Variants in ABI1 observed in about 807,000 individuals in gnomAD.
ABI1 encodes the protein abl interactor 1.
In ABI1, 14 loss-of-function variants were observed where a neutral mutation model predicts 54.6. The ratio of observed to expected loss-of-function variants is 0.26; its 90% confidence interval spans 0.17 to 0.40. The LOEUF (loss-of-function observed/expected upper bound fraction) is 0.40, where lower values mean the gene tolerates loss of function less well. Ranked by LOEUF, ABI1 falls within the 10% of genes least tolerant of loss-of-function variation. ABI1 has a pLI of 1.00. For synonymous variants in ABI1, 194 were observed against 209.3 expected (o/e 0.93, Z 0.63); for missense variants, 443 against 598.3 (o/e 0.74, Z 2.71).
chr10:26,835,580 G>GA (rs74804255), intron 1 of ABI1, among the ~76,000 whole-genome samples: 33 of 136,040 alleles, frequency 2.4e-4, no homozygotes, highest in Non-Finnish European at 3.1e-4. Context: ...GTCTCCAAAG[G>GA]AAAAAAAAAA....
chr10:26,785,107 T>C (rs1005735397), intron 2 of ABI1, among the ~76,000 whole-genome samples: 24 of 152,290 alleles, frequency 1.6e-4, no homozygotes, highest in African/African-American at 5.8e-4. Flanking sequence ...AAATGTGTTA[T>C]AAGAAAAACT....
At chr10:26,765,136 A>G (rs1839764626) in intron 7 of ABI1, 82 bp downstream of exon 7, 10 of 963,898 alleles carry the variant, frequency 1.0e-5, no homozygotes, top group South Asian at 4.6e-5. Flanking sequence ...ATTTTACTCA[A>G]TATGACTAAT....
At chr10:26,809,035 C>T (rs1030239662) in intron 2 of ABI1, among the ~76,000 whole-genome samples, 3 of 151,244 alleles carry the variant, frequency 2.0e-5, no homozygotes, top group African/African-American at 7.3e-5. Flanking sequence ...TTTGGGAGGC[C>T]GAGGCAGGCG....
chr10:26,859,241 C>T (rs539176444), intron 1 of ABI1, among the ~76,000 whole-genome samples: 2 of 151,732 alleles, frequency 1.3e-5, no homozygotes, highest in Non-Finnish European at 2.9e-5. Flanking sequence ...AAAGTGAAAG[C>T]TTGAAAAAAA....
intron 2 of ABI1, among the ~76,000 whole-genome samples, chr10:26,797,899 G>A (rs1442002477): frequency 6.6e-6 from 1 of 152,134 alleles, no homozygotes; most frequent in Non-Finnish European, 1.5e-5. Flanking sequence ...TTTATGTCTT[G>A]TTAAAGTCAT....
At chr10:26,832,118 A>G (rs779679195) in intron 1 of ABI1, among the ~76,000 whole-genome samples, 8 of 152,214 alleles carry the variant, frequency 5.3e-5, no homozygotes, top group Non-Finnish European at 1.2e-4. Flanking sequence ...CATAAGCACA[A>G]ACAATGACAA....
At chr10:26,807,952 C>T (rs1007753122) in intron 2 of ABI1, among the ~76,000 whole-genome samples, 5 of 151,736 alleles carry the variant, frequency 3.3e-5, no homozygotes, top group Admixed American at 6.6e-5. Context: ...ATTAGCTGGG[C>T]GTGGTGGTGC....
rs58739177 is a variant in ABI1 at position 26,773,215 on chromosome 10, C to CTTTTTTTTTTTTTTTTTTTTTT, written c.463-2127_463-2126insAAAAAAAAAAAAAAAAAAAAAA. Reference sequence around the variant, plus strand: ...AGGCACTAAATGTCTAATGCTAATTCTTTTTTTTTTTTTGCTGGCTCTGTT... The same window carrying CTTTTTTTTTTTTTTTTTTTTTT: ...AGGCACTAAATGTCTAATGCTAATTCTTTTTTTTTTTTTTTTTTTTTTTTTTTTTTTTTTTGCTGGCTCTGTT... On this transcript the variant is annotated intron_variant, in intron 3 of 10. Transcript: ENST00000376140. 6.0e-3 allele frequency among the ~76,000 whole-genome samples: 555 copies of CTTTTTTTTTTTTTTTTTTTTTT among 92,348 alleles called. 114 individuals are homozygous for CTTTTTTTTTTTTTTTTTTTTTT. The highest frequency in any genetic ancestry group is 0.015 in the African/African-American group (342 of 22,142). 60.6% of individuals were successfully genotyped at this position (92,348 alleles called of 152,430 possible). A position where few individuals can be genotyped will look rare whatever the true frequency, so the allele number is the denominator to read the frequency against.
chr10:26,854,601 T>C (rs1018030294), intron 1 of ABI1, among the ~76,000 whole-genome samples: 7 of 152,200 alleles, frequency 4.6e-5, no homozygotes, highest in Non-Finnish European at 1.5e-5. Flanking sequence ...CTGAGGATCT[T>C]CCATAAAATT....
intron 6 of ABI1, 71 bp downstream of exon 6, chr10:26,768,780 CT>C: frequency 7.3e-7 from 1 of 1,371,016 alleles, no homozygotes; most frequent in Non-Finnish European, 9.9e-7. Flanking sequence ...TACTCAGCAC[CT>C]CCATAGGAGT....
At chr10:26,805,184 C>T (rs368007296) in intron 2 of ABI1, among the ~76,000 whole-genome samples, 1 of 152,196 alleles carries the variant, frequency 6.6e-6, no homozygotes, top group East Asian at 1.9e-4. Flanking sequence ...GAAGAGACCA[C>T]ATCAATGAGA....
rs750486005 is a variant in ABI1, at chr10:26,823,297, G to T, written c.126C>A (p.Asp42Glu). The T allele has an allele frequency of 2.6e-6, 4 of 1,515,490 alleles. No homozygotes were observed. Among genetic ancestry groups the T allele is most frequent in the East Asian group, 2.5e-5 (1 of 39,586 alleles). 93.9% of individuals were successfully genotyped at this position (1,515,490 alleles called of 1,614,324 possible). Residue 42 changes from aspartate (D) to glutamate (E), a missense_variant, in exon 2 of 11, where the codon GAC becomes GAA. Asp to Glu is a conservative substitution (Grantham distance 45). Transcript: ENST00000376140. ...YCENNYIQAT[D>E]KRKALEETKA... is the part of the protein sequence containing the mutation. ...TGGTCTCCTCTAAAGCTTTTCTCTTGTCTGTAGCCTGAAATAAGAACAAAA... is the reference window on the plus strand; with the variant it reads ...TGGTCTCCTCTAAAGCTTTTCTCTTTTCTGTAGCCTGAAATAAGAACAAAA...
At chr10:26,802,399 G>A (rs2046619669) in intron 2 of ABI1, among the ~76,000 whole-genome samples, 1 of 152,140 alleles carries the variant, frequency 6.6e-6, no homozygotes, top group African/African-American at 2.4e-5. Context: ...TGGGTAGAGT[G>A]CTTTAGAATT....
chr10:26,817,601 A>G (rs2047660916), intron 2 of ABI1, among the ~76,000 whole-genome samples: 1 of 152,134 alleles, frequency 6.6e-6, no homozygotes, highest in Non-Finnish European at 1.5e-5. Flanking sequence ...TTCAGTTTGG[A>G]AAAAGGAAAG....
At chr10:26,836,109 G>C (rs947128338) in intron 1 of ABI1, among the ~76,000 whole-genome samples, 18 of 151,500 alleles carry the variant, frequency 1.2e-4, no homozygotes, top group African/African-American at 3.4e-4. Context: ...ATCTTTTTTT[G>C]TTGTTTGTTT....
At chr10:26,847,921 A>AT (rs1289506255) in intron 1 of ABI1, among the ~76,000 whole-genome samples, 5 of 152,138 alleles carry the variant, frequency 3.3e-5, no homozygotes, top group Non-Finnish European at 1.5e-5. Context: ...GGAGGCTCAC[A>AT]TGTTGGGAGG....
intron 2 of ABI1, among the ~76,000 whole-genome samples, chr10:26,805,256 AG>A (rs2133438264): frequency 6.6e-6 from 1 of 152,290 alleles, no homozygotes; most frequent in African/African-American, 2.4e-5. Context: ...CAGACTTTAA[AG>A]CAAGATTAGG....
chr10:26,791,300 A>C (rs576688737), intron 2 of ABI1, among the ~76,000 whole-genome samples: 1 of 152,120 alleles, frequency 6.6e-6, no homozygotes, highest in East Asian at 1.9e-4. Flanking sequence ...CAAGTTATAA[A>C]TAAGAAATAA....
chr10:26,755,528 C>G, intron 9 of ABI1, 127 bp downstream of exon 9: 1 of 675,158 alleles, frequency 1.5e-6, no homozygotes. Flanking sequence ...GTTTCAGTAA[C>G]ATGTCTGCAC....
Sources: allele counts gnomAD v4.1 joint callset (sites outside exome capture counted in the v4.1 genomes callset), GRCh38; gene constraint gnomAD v4.1.1; transcripts MANE v1.5; gene names NCBI Gene and HGNC (gene_info 2026-07-23, HGNC 2026-07-21).